The following GLI3 variants were observed in gnomAD, a reference collection of about 807,000 sequenced individuals.
GLI3 encodes the protein transcription activator GLI3.
GLI3 carries 20 observed loss-of-function variants against 100.8 expected under a neutral mutation model. The observed-to-expected ratio is 0.20, with a 90% confidence interval of 0.14 to 0.29. The LOEUF is 0.29. GLI3 is among the 10% of genes least tolerant of loss of function. The pLI is 1.00. For synonymous variants in GLI3, 938 were observed against 860.5 expected, an observed-to-expected ratio of 1.09 and a Z score of -1.58; for missense variants, 2,040 against 2,128.5, an observed-to-expected ratio of 0.96 and a Z score of 0.82.
At chr7:42,247,176 T>C (rs1251364566) in intron 1 of GLI3, among the ~76,000 whole-genome samples, 2 of 152,198 alleles carry the variant, frequency 1.3e-5, no homozygotes, top group African/African-American at 4.8e-5. Context: ...GGATTCAATA[T>C]TTTTATTATC....
In GLI3 at chr7:42,039,928, C is replaced by A. The variant is rs569971955; in HGVS notation, c.1028+110G>T. 1.1e-4 allele frequency: 97 copies of A among 851,696 alleles called. No homozygotes were observed. The African/African-American group carries it at 1.5e-3, about 13-fold the overall frequency. 52.8% of individuals were successfully genotyped at this position (851,696 alleles called of 1,614,324 possible). ...CTTGGTATAGGCACAGCATCATGCA[C>A]TTTTATTCTTCCTCATAGGCAGTTG... On this transcript the variant is annotated intron_variant, in intron 7 of 14. Coordinates refer to ENST00000395925, the MANE Select transcript of GLI3 (RefSeq NM_000168.6).
At chr7:42,162,085 A>C (rs1289412938) in intron 2 of GLI3, among the ~76,000 whole-genome samples, 1 of 152,190 alleles carries the variant, frequency 6.6e-6, no homozygotes, top group African/African-American at 2.4e-5. Context: ...TCTAGATGAG[A>C]AACTACCTGA....
intron 4 of GLI3, among the ~76,000 whole-genome samples, chr7:42,070,135 T>A (rs953200159): frequency 6.6e-6 from 1 of 152,236 alleles, no homozygotes; most frequent in African/African-American, 2.4e-5. Context: ...CTCCACCCAG[T>A]TGATGAATCA....
At chr7:42,115,726 C>A (rs1250939124) in intron 3 of GLI3, among the ~76,000 whole-genome samples, 2 of 152,112 alleles carry the variant, frequency 1.3e-5, no homozygotes, top group African/African-American at 2.4e-5. Context: ...AACAAAATTT[C>A]TTTTGAGAGT....
intron 2 of GLI3, among the ~76,000 whole-genome samples, chr7:42,177,339 C>G (rs1787501288): frequency 6.6e-6 from 1 of 152,076 alleles, no homozygotes; most frequent in Non-Finnish European, 1.5e-5. Flanking sequence ...AGGACTGTAA[C>G]TTCAAATAAA....
chr7:42,009,722 G>A (rs766936047), intron 10 of GLI3, among the ~76,000 whole-genome samples: 4 of 152,112 alleles, frequency 2.6e-5, no homozygotes, highest in African/African-American at 9.7e-5. Context: ...CTCAGTTCTC[G>A]TTCCAAACAA....
intron 10 of GLI3, among the ~76,000 whole-genome samples, chr7:42,018,524 C>T (rs1788836391): frequency 6.6e-6 from 1 of 152,200 alleles, no homozygotes; most frequent in African/African-American, 2.4e-5. Flanking sequence ...AAAAGAATGT[C>T]TTCACATCCT....
At chr7:42,250,508 C>G (rs1158465811) in intron 1 of GLI3, among the ~76,000 whole-genome samples, 1 of 152,218 alleles carries the variant, frequency 6.6e-6, no homozygotes, top group African/African-American at 2.4e-5. Flanking sequence ...AGATGTGTGG[C>G]CCAGCACTTG....
rs846375 is a variant in GLI3, at chr7:42,142,017, G to A, written c.367+6209C>T. On this transcript the variant is annotated intron_variant, in intron 3 of 14. Transcript: ENST00000395925. Reference sequence around the variant, plus strand: ...GCCCACAGAAAGTAAGTACTGCCTCGGACTAATCACATTATTCCAAAGGAG... The same window carrying A: ...GCCCACAGAAAGTAAGTACTGCCTCAGACTAATCACATTATTCCAAAGGAG... Among the ~76,000 whole-genome samples, 208 of 152,194 alleles carry A rather than the reference G, an allele frequency of 1.4e-3. 1 individual carries two copies. Among genetic ancestry groups the A allele is most frequent in the Non-Finnish European group, 3.5e-4 (24 of 68,026 alleles).
At chr7:42,186,119 C>A (rs1480799473) in intron 2 of GLI3, among the ~76,000 whole-genome samples, 2 of 152,226 alleles carry the variant, frequency 1.3e-5, no homozygotes, top group Non-Finnish European at 2.9e-5. Flanking sequence ...GCTTATGCTG[C>A]AGAAGCTGGT....
intron 4 of GLI3, among the ~76,000 whole-genome samples, chr7:42,056,072 C>G (rs775590875): frequency 5.3e-5 from 8 of 152,164 alleles, no homozygotes; most frequent in Non-Finnish European, 7.3e-5. Flanking sequence ...GTGAGAAGTG[C>G]CTTTCATCTT....
chr7:41,965,881 G>A lies in GLI3; in HGVS notation c.3192C>T (p.Pro1064=), dbSNP rs768300290. ...CGTTCTCGGTGATGCTGGGAGGACA[G>A]GGGGACGAGTGGAAGTTTCGGGACT... ...GGQSRNFHSS[P]CPPSITENVT... Residue 1064 remains proline (P), a synonymous_variant, in exon 15 of 15, where the codon CCC becomes CCT. Coordinates refer to ENST00000395925, the MANE Select transcript of GLI3 (RefSeq NM_000168.6). 6.2e-6 allele frequency: 10 copies of A among 1,613,808 alleles called. No individual in the cohort carries two copies. Among genetic ancestry groups the A allele is most frequent in the Admixed American group, 1.7e-5 (1 of 60,024 alleles).
At chr7:42,153,004 T>G (rs547782354) in intron 2 of GLI3, among the ~76,000 whole-genome samples, 1 of 152,272 alleles carries the variant, frequency 6.6e-6, no homozygotes, top group Non-Finnish European at 1.5e-5. Flanking sequence ...ATGGACCGAG[T>G]GAAACATGTT....
At chr7:42,261,084 A>G (rs1243824488) in intron 1 of GLI3, among the ~76,000 whole-genome samples, 1 of 152,130 alleles carries the variant, frequency 6.6e-6, no homozygotes, top group Non-Finnish European at 1.5e-5. Flanking sequence ...TGCAGGAAGA[A>G]TGGTGCTGGC....
At chr7:42,173,700 CT>C (rs2128677854) in intron 2 of GLI3, among the ~76,000 whole-genome samples, 1 of 152,278 alleles carries the variant, frequency 6.6e-6, no homozygotes, top group South Asian at 2.1e-4. Context: ...TCAGAGAACT[CT>C]TTGGGAACAT....
chr7:42,237,622 G>GAAA (rs1788841678), upstream of GLI3, among the ~76,000 whole-genome samples: 2 of 150,682 alleles, frequency 1.3e-5, no homozygotes, highest in South Asian at 4.2e-4. Flanking sequence ...GATGTTGCCG[G>GAAA]ACTCTCCTCG....
At chr7:41,992,455 G>T (rs981675237) in intron 10 of GLI3, among the ~76,000 whole-genome samples, 2 of 152,130 alleles carry the variant, frequency 1.3e-5, no homozygotes, top group Non-Finnish European at 2.9e-5. Flanking sequence ...TGGACATAAA[G>T]ATTTGAGAAT....
At chr7:42,148,141 A>G (rs1474658865) in intron 3 of GLI3, 85 bp downstream of exon 3, 541 of 381,652 alleles carry the variant, frequency 1.4e-3, no homozygotes, top group South Asian at 4.8e-3. Flanking sequence ...GCGCGCACAC[A>G]CACACACACA....
chr7:42,199,608 G>T (rs933689771), intron 2 of GLI3, among the ~76,000 whole-genome samples: 8 of 152,194 alleles, frequency 5.3e-5, no homozygotes, highest in African/African-American at 1.9e-4. Context: ...GTGCGTGTAT[G>T]TGTGTGAGCA....
Sources: gnomAD v4.1 joint callset for allele counts (sites outside exome capture counted in the v4.1 genomes callset) on GRCh38, gnomAD v4.1.1 for gene constraint, MANE v1.5 for transcripts, NCBI Gene and HGNC (gene_info 2026-07-23, HGNC 2026-07-21) for gene names.